CNTLN: variants seen among roughly 807,000 people sequenced by gnomAD.
CNTLN encodes the protein centlein, centrosomal protein.
CNTLN carries 212 observed loss-of-function variants against 180.0 expected under a neutral mutation model. The ratio of observed to expected loss-of-function variants is 1.18; its 90% confidence interval spans 1.05 to 1.32. The LOEUF (loss-of-function observed/expected upper bound fraction) is 1.32. Ranked by LOEUF, CNTLN falls within the 40% of genes most tolerant of loss-of-function variation. The probability of loss-of-function intolerance (pLI) is 0.00; values close to 1 mark genes in which losing one functional copy is unlikely to be tolerated. For missense variants in CNTLN, 2,095 were observed against 1,610.9 expected, an observed-to-expected ratio of 1.30 and a Z score of -5.14; for synonymous variants, 722 against 563.1, an observed-to-expected ratio of 1.28 and a Z score of -3.99.
intron 22 of CNTLN, 80 bp from the exon 23 acceptor site, chr9:17,466,626 C>A: frequency 9.4e-7 from 1 of 1,061,542 alleles, no homozygotes; most frequent in Admixed American, 2.9e-5. Context: ...AAAATATTTT[C>A]CTTATTTGAC....
Position 17,202,448 on chromosome 9 carries a change from T to C in CNTLN, c.450-23755T>C, listed in dbSNP as rs192389911. ...GTTAAACTCACTCACTATTATTGTGTGGGAGTCTAAGTCTCTTTGTAGGTA... is the reference window on the plus strand; with the variant it reads ...GTTAAACTCACTCACTATTATTGTGCGGGAGTCTAAGTCTCTTTGTAGGTA... On this transcript the variant is annotated intron_variant, in intron 2 of 25. Transcript: ENST00000380647. Among the ~76,000 whole-genome samples the C allele has an allele frequency of 3.6e-3, 546 of 152,222 alleles. 1 individual carries two copies. The highest frequency in any genetic ancestry group is 0.013 in the African/African-American group (529 of 41,518).
chr9:17,329,145 A>G (rs980321182), intron 8 of CNTLN, among the ~76,000 whole-genome samples: 4 of 152,008 alleles, frequency 2.6e-5, no homozygotes, highest in African/African-American at 7.2e-5. Context: ...ATTTTATTCT[A>G]AGTTTTTGTT....
At chr9:17,436,141 C>G (rs528096484) in intron 18 of CNTLN, among the ~76,000 whole-genome samples, 1 of 151,978 alleles carries the variant, frequency 6.6e-6, no homozygotes, top group Non-Finnish European at 1.5e-5. Flanking sequence ...CTATAGTGCC[C>G]ACACCATAAT....
At chr9:17,144,700 G>T (rs1818326851) in intron 2 of CNTLN, among the ~76,000 whole-genome samples, 1 of 151,516 alleles carries the variant, frequency 6.6e-6, no homozygotes, top group South Asian at 2.1e-4. Context: ...TTAGACGTAG[G>T]TGTTCAAAAG....
At chr9:17,402,036 C>T (rs1020262812) in intron 15 of CNTLN, among the ~76,000 whole-genome samples, 9 of 151,626 alleles carry the variant, frequency 5.9e-5, no homozygotes, top group African/African-American at 1.9e-4. Flanking sequence ...ACTCAGTGAA[C>T]CAAAGATTAT....
At chr9:17,412,005 T>C (rs1827881808) in intron 16 of CNTLN, among the ~76,000 whole-genome samples, 1 of 152,002 alleles carries the variant, frequency 6.6e-6, no homozygotes, top group Non-Finnish European at 1.5e-5. Context: ...TTACTACTTA[T>C]ACCTAACAAG....
intron 2 of CNTLN, among the ~76,000 whole-genome samples, chr9:17,174,733 G>A (rs1440072932): frequency 1.3e-5 from 2 of 151,208 alleles, no homozygotes; most frequent in African/African-American, 4.9e-5. Context: ...TTGCCAAACC[G>A]TTTGTCAGAG....
intron 18 of CNTLN, chr9:17,447,131 C>T (rs763614729): frequency 3.7e-5 from 8 of 216,150 alleles, no homozygotes; most frequent in Admixed American, 1.2e-4. Flanking sequence ...GAGCTTCTCC[C>T]GCTGCGGTGT....
intron 6 of CNTLN, among the ~76,000 whole-genome samples, chr9:17,276,489 G>A (rs1828318052): frequency 6.6e-6 from 1 of 152,070 alleles, no homozygotes; most frequent in Admixed American, 6.6e-5. Context: ...TACTGTTTCT[G>A]TATGGATTTC....
At position 17,290,150 on chromosome 9, in the gene CNTLN, T is replaced by A. The variant is rs1829273349; in HGVS notation, c.984-8040T>A. Among the ~76,000 whole-genome samples, 4 of 152,118 alleles carry A rather than the reference T, an allele frequency of 2.6e-5. No individual in the cohort carries two copies. The South Asian group carries it at 8.3e-4, about 31-fold the overall frequency. On this transcript the variant is annotated intron_variant, in intron 6 of 25. Transcript: ENST00000380647. ...CCCATCTTTGTGGTTTTATCTACTT[T>A]TGGTCTTTGATGATGGTGATGTACA...
intron 18 of CNTLN, among the ~76,000 whole-genome samples, chr9:17,437,462 T>G (rs548670231): frequency 2.0e-5 from 3 of 152,212 alleles, no homozygotes; most frequent in Admixed American, 6.5e-5. Flanking sequence ...ATTTTATATT[T>G]CTGGTAGTGT....
At chr9:17,231,336 TAC>T (rs564157081) in intron 3 of CNTLN, among the ~76,000 whole-genome samples, 1 of 151,922 alleles carries the variant, frequency 6.6e-6, no homozygotes. Context: ...ACTAGAAAGT[TAC>T]ACACACACAC....
intron 15 of CNTLN, among the ~76,000 whole-genome samples, chr9:17,395,566 T>C (rs1015511436): frequency 2.6e-5 from 4 of 152,160 alleles, no homozygotes; most frequent in Non-Finnish European, 5.9e-5. Context: ...CTGTTTAACA[T>C]CCTTTAAATT....
At chr9:17,143,480 T>A in intron 2 of CNTLN, 104 bp downstream of exon 2, 1 of 828,788 alleles carries the variant, frequency 1.2e-6, no homozygotes. Flanking sequence ...GAGATTCATT[T>A]AATTTCTGAA....
intron 7 of CNTLN, chr9:17,300,173 C>G (rs935114941): frequency 6.6e-6 from 1 of 152,142 alleles, no homozygotes; most frequent in Non-Finnish European, 1.5e-5. Context: ...CATTTACTGG[C>G]TGAGCATCCC....
At chr9:17,313,593 C>T (rs1819354180) in intron 8 of CNTLN, among the ~76,000 whole-genome samples, 1 of 151,942 alleles carries the variant, frequency 6.6e-6, no homozygotes, top group African/African-American at 2.4e-5. Flanking sequence ...TATGATGTTC[C>T]CAAGCTTGAT....
chr9:17,232,851 C>T (rs781349832), intron 3 of CNTLN, among the ~76,000 whole-genome samples: 1 of 151,766 alleles, frequency 6.6e-6, no homozygotes, highest in Admixed American at 6.6e-5. Flanking sequence ...AGGTGGAAGT[C>T]GAGTCTTAAA....
chr9:17,288,549 T>C (rs1944559045), intron 6 of CNTLN, among the ~76,000 whole-genome samples: 1 of 130,254 alleles, frequency 7.7e-6, no homozygotes, highest in Non-Finnish European at 1.6e-5. Flanking sequence ...CTGAGTTCAA[T>C]TCCTGGGTAT....
chr9:17,274,240 T>C (rs1406202417), intron 6 of CNTLN, among the ~76,000 whole-genome samples: 1 of 152,084 alleles, frequency 6.6e-6, no homozygotes, highest in African/African-American at 2.4e-5. Context: ...ATATTCTATA[T>C]AGTTTGTTTT....
Sources: gnomAD v4.1 joint callset for allele counts (sites outside exome capture counted in the v4.1 genomes callset) on GRCh38, gnomAD v4.1.1 for gene constraint, MANE v1.5 for transcripts, NCBI Gene and HGNC (gene_info 2026-07-23, HGNC 2026-07-21) for gene names.